Variants in PLCH2 observed in about 807,000 individuals in gnomAD.
PLCH2 encodes phospholipase C eta 2, also known as 1-phosphatidylinositol 4,5-bisphosphate phosphodiesterase eta-2.
In PLCH2, 98 loss-of-function variants were observed where a neutral mutation model predicts 134.7. That is an observed-to-expected ratio of 0.73 (90% CI 0.62 to 0.86). The LOEUF is 0.86. Among genes scored for constraint, PLCH2 ranks in the 40% least tolerant of loss-of-function variants. PLCH2 has a pLI of 0.00. For missense variants in PLCH2, 1,994 were observed against 1,986.6 expected (o/e 1.00, Z -0.07); for synonymous variants, 974 against 827.5 (o/e 1.18, Z -3.04).
At position 2,476,410 on chromosome 1, in the gene PLCH2, C is replaced by T. The variant is rs1014777171; in HGVS notation, c.-179C>T. The T allele has an allele frequency of 1.5e-5, 9 of 582,418 alleles. No homozygotes were observed. The highest frequency in any genetic ancestry group is 1.1e-4 in the South Asian group (4 of 37,442). The allele number at this position is 582,418 out of a possible 1,614,324, so 36.1% of individuals were successfully genotyped here. ...AGGTGACGGTCAGGCCAATGCCAGC[C>T]GGGCCTGGGCACAGCCCTGTGGGGG... On this transcript the variant is annotated 5_prime_UTR_variant, in exon 1 of 22. Coordinates refer to ENST00000378486, the MANE Select transcript of PLCH2 (RefSeq NM_014638.4).
At chr1:2,421,253 C>G (rs187401012), upstream of PLCH2, among the ~76,000 whole-genome samples, 14 of 152,214 alleles carry the variant, frequency 9.2e-5, no homozygotes, top group East Asian at 1.9e-3. Flanking sequence ...CCCCAACACT[C>G]TTAGCAGCTG....
chr1:2,498,308 C>G lies in PLCH2; in HGVS notation c.2225-215C>G, dbSNP rs1238890513. 9 of 570,208 alleles carry G rather than the reference C, an allele frequency of 1.6e-5. No homozygotes were observed. Among genetic ancestry groups the G allele is most frequent in the Non-Finnish European group, 2.8e-5 (9 of 322,286 alleles). The allele number at this position is 570,208 out of a possible 1,614,324, so 35.3% of individuals were successfully genotyped here. A position where few individuals can be genotyped will look rare whatever the true frequency, so the allele number is the denominator to read the frequency against. ...GGCTCAGCTGTGGGAGGCATGGGCT[C>G]TGTCCCACATGCTGCGGTAGCCACA... On this transcript the variant is annotated intron_variant, in intron 16 of 21. Transcript: ENST00000378486. This position sits in a 1 kb window ranked among gnomAD's most constrained non-coding sequence, Gnocchi z 5.4.
intron 20 of PLCH2, chr1:2,500,844 C>T (rs1331248974): frequency 6.7e-5 from 8 of 119,646 alleles, no homozygotes. Flanking sequence ...AGTCCTCCCT[C>T]CCCTCCCTCA....
At chr1:2,460,261 C>A (rs1343835672) in intron 2 of PLCH2, among the ~76,000 whole-genome samples, 2 of 152,256 alleles carry the variant, frequency 1.3e-5, no homozygotes, top group Non-Finnish European at 2.9e-5. Context: ...CCGGGTTCCC[C>A]CAAGAGCTAG....
upstream of PLCH2, among the ~76,000 whole-genome samples, chr1:2,423,588 G>T (rs1174154232): frequency 3.9e-5 from 6 of 152,140 alleles, no homozygotes; most frequent in Admixed American, 3.9e-4. Flanking sequence ...AGGGTGAGGG[G>T]CTGGAGAAGC....
intron 4 of PLCH2, among the ~76,000 whole-genome samples, chr1:2,483,786 T>G (rs1485473645): frequency 9.2e-5 from 12 of 130,902 alleles, no homozygotes; most frequent in Admixed American, 2.2e-4. Context: ...GACCCCCGTT[T>G]GGGGGGGCGC....
chr1:2,454,726 C>T (rs1005696601), intron 2 of PLCH2, among the ~76,000 whole-genome samples: 5 of 152,212 alleles, frequency 3.3e-5, no homozygotes, highest in African/African-American at 1.2e-4. Context: ...ATGGTGGCTT[C>T]CCTGAGAGCA....
At chr1:2,443,327 G>C (rs1472925851) in intron 2 of PLCH2, among the ~76,000 whole-genome samples, 1 of 152,218 alleles carries the variant, frequency 6.6e-6, no homozygotes, top group Non-Finnish European at 1.5e-5. Context: ...GGATGGCCCA[G>C]GCCCCAGTCC....
intron 2 of PLCH2, among the ~76,000 whole-genome samples, chr1:2,451,634 G>A (rs114535771): frequency 2.6e-5 from 4 of 152,190 alleles, no homozygotes; most frequent in Non-Finnish European, 4.4e-5. Flanking sequence ...GGCTCTCGGG[G>A]GCTCTGACCC....
At chr1:2,503,864 C>T in intron 21 of PLCH2, 58 bp from the exon 22 acceptor site, 1 of 664,390 alleles carries the variant, frequency 1.5e-6, no homozygotes, top group Non-Finnish European at 2.8e-6. Flanking sequence ...CTCCCTGCCT[C>T]CCTCTCTCTC....
intron 1 of PLCH2, among the ~76,000 whole-genome samples, chr1:2,469,803 G>A (rs1449855169): frequency 6.6e-6 from 1 of 150,728 alleles, no homozygotes; most frequent in Non-Finnish European, 1.5e-5. Context: ...GGGGCAGGGT[G>A]GAGTTGGTGG....
intron 2 of PLCH2, among the ~76,000 whole-genome samples, chr1:2,437,158 C>G (rs898637039): frequency 2.6e-5 from 4 of 152,204 alleles, no homozygotes; most frequent in African/African-American, 9.6e-5. Flanking sequence ...GCAGCAAGGC[C>G]ACAGCAGGTC....
rs149662903 is a variant in PLCH2, at chr1:2,496,682, C to T, written c.1911C>T (p.Ala637=). ...SDLVKYTKSV[A]THDIEMEAAS... ...TGGTGAAGTACACCAAGTCCGTGGCCACCCACGACATAGAGATGGAGGGTG... is the reference window on the plus strand; with the variant it reads ...TGGTGAAGTACACCAAGTCCGTGGCTACCCACGACATAGAGATGGAGGGTG... The change falls in exon 14 of 22, where the codon GCC becomes GCT. Residue 637 remains alanine (A), a synonymous_variant. Transcript: ENST00000378486. 870 of 1,611,930 alleles carry T rather than the reference C, an allele frequency of 5.4e-4. 6 individuals are homozygous for T. In the Middle Eastern group the frequency reaches 0.019, roughly 35 times the overall value.
At chr1:2,431,671 A>G (rs1392773262) in intron 2 of PLCH2, among the ~76,000 whole-genome samples, 1 of 152,126 alleles carries the variant, frequency 6.6e-6, no homozygotes, top group Non-Finnish European at 1.5e-5. Context: ...TATCAGGTCC[A>G]GGGGCAACGG....
chr1:2,467,234 G>A (rs1276720111), upstream of PLCH2, among the ~76,000 whole-genome samples: 1 of 152,104 alleles, frequency 6.6e-6, no homozygotes, highest in African/African-American at 2.4e-5. Flanking sequence ...CGCTCAAGCT[G>A]CTATGGGAAG....
intron 5 of PLCH2, among the ~76,000 whole-genome samples, chr1:2,484,857 G>A (rs982999804): frequency 6.6e-6 from 1 of 152,166 alleles, no homozygotes; most frequent in Non-Finnish European, 1.5e-5. Context: ...ATTACAGGGT[G>A]CGCTCTATGG....
chr1:2,495,657 C>T (rs1642845990), intron 13 of PLCH2, 87 bp downstream of exon 13: 1 of 922,504 alleles, frequency 1.1e-6, no homozygotes. Context: ...CCCACCAGGA[C>T]CATCCCTGAG....
Position 2,489,313 on chromosome 1 carries a change from G to A in PLCH2, c.1342G>A (p.Val448Met), listed in dbSNP as rs1642437922. The change falls in exon 9 of 22, where the codon GTG (valine) becomes ATG (methionine). Residue 448 changes from valine (V) to methionine (M), a missense_variant. Val to Met is a conservative substitution (Grantham distance 21). Around this residue, in one of 2 missense-constraint regions of PLCH2, gnomAD observed 1,094 missense variants for 1,234.3 expected, o/e 0.89. Coordinates refer to ENST00000378486, the MANE Select transcript of PLCH2 (RefSeq NM_014638.4). ...TGGGGACAAGCTGGACCTGTCATCA[G>A]TGAGCAGTGAAGATGCCACCACACT... The part of the protein sequence containing the change: ...ILGDKLDLSS[V>M]SSEDATTLPS... The A allele has an allele frequency of 3.7e-6, 6 of 1,613,884 alleles. No homozygotes were observed. Among genetic ancestry groups the A allele is most frequent in the Non-Finnish European group, 5.1e-6 (6 of 1,179,888 alleles).
Position 2,483,855 on chromosome 1 carries a change from G to T in PLCH2, c.646-593G>T, listed in dbSNP as rs376975970. On this transcript the variant is annotated intron_variant, in intron 4 of 21. Transcript: ENST00000378486. Reference sequence around the variant, plus strand: ...GTGGGGGTGGCGCTGACCCCCGTGTGGGGTGGCGCTGACCCCCGTGTGGGT... The same window carrying T: ...GTGGGGGTGGCGCTGACCCCCGTGTTGGGTGGCGCTGACCCCCGTGTGGGT... 8.0e-4 allele frequency among the ~76,000 whole-genome samples: 23 copies of T among 28,718 alleles called. 6 individuals are homozygous for T. The highest frequency in any genetic ancestry group is 2.9e-3 in the African/African-American group (23 of 8,070). 18.8% of individuals were successfully genotyped at this position (28,718 alleles called of 152,430 possible). A position where few individuals can be genotyped will look rare whatever the true frequency, so the allele number is the denominator to read the frequency against.
Sources: allele counts gnomAD v4.1 joint callset (sites outside exome capture counted in the v4.1 genomes callset), GRCh38; gene constraint gnomAD v4.1.1; regional missense constraint gnomAD v4.1.1; non-coding constraint Gnocchi (gnomAD v3.1); transcripts MANE v1.5; gene names NCBI Gene and HGNC (gene_info 2026-07-23, HGNC 2026-07-21).